NEUROD4: variants seen among roughly 807,000 people sequenced by gnomAD.
NEUROD4 encodes the protein neuronal differentiation 4, also known as neurogenic differentiation factor 4.
Under a neutral mutation model 19.8 loss-of-function variants are expected in NEUROD4, and 16 were observed. The ratio of observed to expected loss-of-function variants is 0.81; its 90% CI spans 0.55 to 1.23. The LOEUF (loss-of-function observed/expected upper bound fraction) is 1.23. Among genes scored for constraint, NEUROD4 ranks in the 50% most tolerant of loss-of-function variants. The pLI, the probability that NEUROD4 is intolerant of heterozygous loss-of-function variation, is 0.00. For missense variants in NEUROD4, 439 were observed against 398.6 expected, an observed-to-expected ratio of 1.10 and a Z score of -0.86; for synonymous variants, 153 against 147.9, an observed-to-expected ratio of 1.03 and a Z score of -0.25.
Position 55,029,735 on chromosome 12 carries a change from A to C in NEUROD4, c.*2300A>C, listed in dbSNP as rs1952771668. ...TTTTTAGAGTCTTTTCTTCAGTCTA[A>C]AATGAGCCAGAGTTATTCTTTAATA... On this transcript the variant is annotated 3_prime_UTR_variant, in exon 2 of 2. Coordinates refer to ENST00000242994, the MANE Select transcript of NEUROD4 (RefSeq NM_021191.3). 6.0e-6 allele frequency: 1 copy of C among 167,042 alleles called. No individual in the cohort carries two copies. The highest frequency in any genetic ancestry group is 1.5e-5 in the Non-Finnish European group (1 of 68,092). 10.3% of individuals were successfully genotyped at this position (167,042 alleles called of 1,614,324 possible).
chr12:55,029,213 C>T lies in NEUROD4; in HGVS notation c.*1778C>T, dbSNP rs1239025180. 6.0e-6 allele frequency: 1 copy of T among 166,744 alleles called. No homozygotes were observed. Among genetic ancestry groups the T allele is most frequent in the African/African-American group, 2.4e-5 (1 of 41,416 alleles). 10.3% of individuals were successfully genotyped at this position (166,744 alleles called of 1,614,324 possible). ...TTTCCATTTTGCTCTCAGCACTTAC[C>T]CTGCTGTATTTTGCACCCTTGGTTT... On this transcript the variant is annotated 3_prime_UTR_variant, in exon 2 of 2. Transcript: ENST00000242994.
Position 55,026,544 on chromosome 12 carries a change from G to A in NEUROD4, c.105G>A (p.Glu35=), listed in dbSNP as rs139984818. The A allele has an allele frequency of 6.2e-7, 1 of 1,613,956 alleles. No homozygotes were observed. ...CCCAAAATGAGGTGAAGGAGGAAGA[G>A]AGCAGACCAGGTACTTATGGGATGC... ...LGSQNEVKEE[E]SRPGTYGMLS... The change falls in exon 2 of 2, where the codon GAG becomes GAA. Residue 35 remains glutamate (E), a synonymous_variant. Transcript: ENST00000242994.
chr12:55,026,209 AG>A lies in NEUROD4; in HGVS notation c.-9-220del, dbSNP rs376187305. On this transcript the variant is annotated intron_variant, in intron 1 of 1. Coordinates refer to ENST00000242994, the MANE Select transcript of NEUROD4 (RefSeq NM_021191.3). ...AGATAAAAAATCTAAGAATAAAAAC[AG>A]GCACTAACACTGCAATGAATAATCA... 3.7e-3 allele frequency among the ~76,000 whole-genome samples: 564 copies of A among 152,326 alleles called. 4 individuals are homozygous for A. The highest frequency in any genetic ancestry group is 0.013 in the African/African-American group (536 of 41,584).
chr12:55,027,213 C>A lies in NEUROD4; in HGVS notation c.774C>A (p.Ser258Arg). The change falls in exon 2 of 2, where the codon AGC (serine) becomes AGA (arginine). Residue 258 changes from serine (S) to arginine (R), a missense_variant. Coordinates refer to ENST00000242994, the MANE Select transcript of NEUROD4 (RefSeq NM_021191.3). Reference sequence around the variant, plus strand: ...AGGGCCCACTCACTCCACCCCTGAGCATCAGTGGGAACTTCTCCTTGAAGC... The same window carrying A: ...AGGGCCCACTCACTCCACCCCTGAGAATCAGTGGGAACTTCTCCTTGAAGC... ...PYEGPLTPPL[S>R]ISGNFSLKQD... 6 of 1,614,114 alleles carry A rather than the reference C, an allele frequency of 3.7e-6. No individual in the cohort carries two copies. Among genetic ancestry groups the A allele is most frequent in the South Asian group, 1.1e-5 (1 of 91,078 alleles).
In NEUROD4 at chr12:55,026,914, T is replaced by C; in HGVS notation, c.475T>C (p.Cys159Arg). 6.2e-7 allele frequency: 1 copy of C among 1,614,130 alleles called. No individual in the cohort carries two copies. The highest frequency in any genetic ancestry group is 8.5e-7 in the Non-Finnish European group (1 of 1,180,020). The change falls in exon 2 of 2, where the codon TGT becomes CGT. Residue 159 changes from cysteine (C) to arginine (R), a missense_variant. By Grantham distance (180) the Cys-to-Arg change is radical. Coordinates refer to ENST00000242994, the MANE Select transcript of NEUROD4 (RefSeq NM_021191.3). ...AGGGAAAGGCTTTGTGGAGATGCTG[T>C]GTAAAGGGCTCTCTCAGCCCACAAG... ...PEGKGFVEML[C>R]KGLSQPTSNL...
At position 55,027,072 on chromosome 12, in the gene NEUROD4, C is replaced by A. The variant is rs376574495; in HGVS notation, c.633C>A (p.Ser211Arg). Residue 211 changes from serine (S) to arginine (R), a missense_variant, in exon 2 of 2, where the codon AGC becomes AGA. Ser to Arg is a moderately radical substitution (Grantham distance 110, BLOSUM62 -1). Transcript: ENST00000242994. ...NFNYQSPGLP[S>R]PPYGHMETHL... Reference sequence around the variant, plus strand: ...ACTATCAGTCTCCGGGGCTTCCTAGCCCTCCTTATGGTCATATGGAAACAC... The same window carrying A: ...ACTATCAGTCTCCGGGGCTTCCTAGACCTCCTTATGGTCATATGGAAACAC... 2 of 1,614,116 alleles carry A rather than the reference C, an allele frequency of 1.2e-6. No homozygotes were observed. The highest frequency in any genetic ancestry group is 1.7e-6 in the Non-Finnish European group (2 of 1,179,992).
At position 55,026,707 on chromosome 12, in the gene NEUROD4, G is replaced by A. The variant is rs907872640; in HGVS notation, c.268G>A (p.Val90Ile). The change falls in exon 2 of 2, where the codon GTC becomes ATC. Residue 90 changes from valine to isoleucine, a missense_variant. Coordinates refer to ENST00000242994, the MANE Select transcript of NEUROD4 (RefSeq NM_021191.3). ...CCTTGAGAGATTCAGGGCTCGAAGAGTCAAGGCTAATGCCAGAGAACGGAC... is the reference window on the plus strand; with the variant it reads ...CCTTGAGAGATTCAGGGCTCGAAGAATCAAGGCTAATGCCAGAGAACGGAC... ...ARLERFRARRVKANARERTRM... is the reference protein window; with the variant it reads ...ARLERFRARRIKANARERTRM... 8.1e-6 allele frequency: 13 copies of A among 1,614,190 alleles called. No homozygotes were observed. Among genetic ancestry groups the A allele is most frequent in the Admixed American group, 3.3e-5 (2 of 60,020 alleles).
rs1418259885 is a variant in NEUROD4 at position 55,028,056 on chromosome 12, C to T, written c.*621C>T. The T allele has an allele frequency of 1.8e-5, 3 of 167,036 alleles. No individual in the cohort carries two copies. Among genetic ancestry groups the T allele is most frequent in the Non-Finnish European group, 4.4e-5 (3 of 68,120 alleles). The allele number at this position is 167,036 out of a possible 1,614,324, so 10.3% of individuals were successfully genotyped here. On this transcript the variant is annotated 3_prime_UTR_variant, in exon 2 of 2. Transcript: ENST00000242994. ...CTTTGTATCTATTGAAAAATAGCTT[C>T]TGGAAGCTAAAAGTCTAACATGGCT...
chr12:55,023,610 T>G (rs1035799343), intron 1 of NEUROD4, among the ~76,000 whole-genome samples: 1 of 152,186 alleles, frequency 6.6e-6, no homozygotes. Flanking sequence ...TTATTCTAGC[T>G]TCCATTCTTT....
chr12:55,020,291 T>A lies in NEUROD4; in HGVS notation c.-32T>A, dbSNP rs1952666431. On this transcript the variant is annotated 5_prime_UTR_variant, in exon 1 of 2. Coordinates refer to ENST00000242994, the MANE Select transcript of NEUROD4 (RefSeq NM_021191.3). ...TAAGACGCAGATTCACAGAGTTCAC[T>A]CCAGGAACGGCCAGTGACCGAGGTG... The A allele has an allele frequency of 2.0e-5, 3 of 152,260 alleles. No homozygotes were observed. The highest frequency in any genetic ancestry group is 1.3e-4 in the Admixed American group (2 of 15,276). The allele number at this position is 152,260 out of a possible 1,614,324, so 9.4% of individuals were successfully genotyped here. A position where few individuals can be genotyped will look rare whatever the true frequency, so the allele number is the denominator to read the frequency against.
chr12:55,026,678 C>A lies in NEUROD4; in HGVS notation c.239C>A (p.Ala80Asp). The change falls in exon 2 of 2, where the codon GCT becomes GAT. Residue 80 changes from alanine to aspartate, a missense_variant. Physicochemically the swap from Ala to Asp is moderately radical, Grantham distance 126. Coordinates refer to ENST00000242994, the MANE Select transcript of NEUROD4 (RefSeq NM_021191.3). ...RGPKKKKMTKARLERFRARRV... is the reference protein window; with the variant it reads ...RGPKKKKMTKDRLERFRARRV... ...CCCAAGAAAAAGAAGATGACCAAAG[C>A]TCGCCTTGAGAGATTCAGGGCTCGA... 1.2e-6 allele frequency: 2 copies of A among 1,614,138 alleles called. No homozygotes were observed. Among genetic ancestry groups the A allele is most frequent in the Non-Finnish European group, 1.7e-6 (2 of 1,180,018 alleles).
At chr12:55,024,781 C>CAG (rs1952708462) in intron 1 of NEUROD4, among the ~76,000 whole-genome samples, 1 of 152,134 alleles carries the variant, frequency 6.6e-6, no homozygotes, top group African/African-American at 2.4e-5. Context: ...ACCCAGGAAG[C>CAG]CTTATTAAGT....
At chr12:55,023,208 C>A (rs981561121) in intron 1 of NEUROD4, among the ~76,000 whole-genome samples, 1 of 151,958 alleles carries the variant, frequency 6.6e-6, no homozygotes, top group African/African-American at 2.4e-5. Flanking sequence ...GCTATCTATC[C>A]CACCATGGGA....
In NEUROD4 at chr12:55,020,117, T is replaced by G. The variant is rs927281667; in HGVS notation, c.-206T>G. The stretch of plus-strand genomic sequence containing the variant: ...GGCGTCCTTGAGGAGCATACGGAAC[T>G]CCAAGGAAGGAGTAGAATAAGGAGC... On this transcript the variant is annotated 5_prime_UTR_variant, in exon 1 of 2. Coordinates refer to ENST00000242994, the MANE Select transcript of NEUROD4 (RefSeq NM_021191.3). 6 of 152,230 alleles carry G rather than the reference T, an allele frequency of 3.9e-5. No homozygotes were observed. The highest frequency in any genetic ancestry group is 9.7e-5 in the African/African-American group (4 of 41,434). 9.4% of individuals were successfully genotyped at this position (152,230 alleles called of 1,614,324 possible). A position where few individuals can be genotyped will look rare whatever the true frequency, so the allele number is the denominator to read the frequency against.
At position 55,027,536 on chromosome 12, in the gene NEUROD4, A is replaced by T. The variant is rs147482684; in HGVS notation, c.*101A>T. The T allele has an allele frequency of 5.3e-6, 6 of 1,131,494 alleles. No homozygotes were observed. Among genetic ancestry groups the T allele is most frequent in the Admixed American group, 2.3e-5 (1 of 43,132 alleles). The allele number at this position is 1,131,494 out of a possible 1,614,324, so 70.1% of individuals were successfully genotyped here. A position where few individuals can be genotyped will look rare whatever the true frequency, so the allele number is the denominator to read the frequency against. ...ATGACCTTAAAGGATCCCTATGGAT[A>T]TATATCAAACAATAGTTCAAGTCCA... On this transcript the variant is annotated 3_prime_UTR_variant, in exon 2 of 2. Coordinates refer to ENST00000242994, the MANE Select transcript of NEUROD4 (RefSeq NM_021191.3).
In NEUROD4 at chr12:55,027,161, T is replaced by C; in HGVS notation, c.722T>C (p.Leu241Pro). 3.1e-6 allele frequency: 5 copies of C among 1,614,178 alleles called. No homozygotes were observed. The highest frequency in any genetic ancestry group is 4.2e-6 in the Non-Finnish European group (5 of 1,180,022). The change falls in exon 2 of 2, where the codon CTG becomes CCG. Residue 241 changes from leucine (L) to proline (P), a missense_variant. Transcript: ENST00000242994. ...GGAGAATCGTCCTTTGGGAGCCATCTGCCTGACTGCAGTACACCCCCTTAT... is the reference window on the plus strand; with the variant it reads ...GGAGAATCGTCCTTTGGGAGCCATCCGCCTGACTGCAGTACACCCCCTTAT... ...SLGESSFGSHLPDCSTPPYEG... is the reference protein window; with the variant it reads ...SLGESSFGSHPPDCSTPPYEG...
Position 55,026,845 on chromosome 12 carries a change from A to C in NEUROD4, c.406A>C (p.Ile136Leu). The C allele has an allele frequency of 6.2e-7, 1 of 1,614,120 alleles. No homozygotes were observed. Among genetic ancestry groups the C allele is most frequent in the East Asian group, 2.2e-5 (1 of 44,888 alleles). Reference protein sequence around the residue: ...IETLRLARNYIWALSEVLETG... With the variant: ...IETLRLARNYLWALSEVLETG... Reference sequence around the variant, plus strand: ...GACTCTTAGACTGGCCAGGAACTATATTTGGGCTTTATCTGAAGTCCTGGA... The same window carrying C: ...GACTCTTAGACTGGCCAGGAACTATCTTTGGGCTTTATCTGAAGTCCTGGA... Residue 136 changes from isoleucine (I) to leucine (L), a missense_variant, in exon 2 of 2, where the codon ATT becomes CTT. Coordinates refer to ENST00000242994, the MANE Select transcript of NEUROD4 (RefSeq NM_021191.3).
rs1258014000 is a variant in NEUROD4, at chr12:55,028,310, A to T, written c.*875A>T. 3.0e-5 allele frequency: 5 copies of T among 167,114 alleles called. No homozygotes were observed. Among genetic ancestry groups the T allele is most frequent in the Admixed American group, 6.5e-5 (1 of 15,288 alleles). The allele number at this position is 167,114 out of a possible 1,614,324, so 10.4% of individuals were successfully genotyped here. On this transcript the variant is annotated 3_prime_UTR_variant, in exon 2 of 2. Transcript: ENST00000242994. ...GACTCCTATAACTAATGGGACATAG[A>T]GAAGTCTTTTAGACCATGACCTCCA...
In NEUROD4 at chr12:55,028,685, C is replaced by G. The variant is rs149030113; in HGVS notation, c.*1250C>G. On this transcript the variant is annotated 3_prime_UTR_variant, in exon 2 of 2. Transcript: ENST00000242994. ...TACACTAATTGTTACCTCTTCCTCACTTCTAAGATAGAATATGTTATTATA... is the reference window on the plus strand; with the variant it reads ...TACACTAATTGTTACCTCTTCCTCAGTTCTAAGATAGAATATGTTATTATA... The G allele has an allele frequency of 1.4e-4, 24 of 167,186 alleles. 1 individual carries two copies. The East Asian group carries it at 4.6e-3, about 32-fold the overall frequency. 10.4% of individuals were successfully genotyped at this position (167,186 alleles called of 1,614,324 possible).
Sources: allele counts gnomAD v4.1 joint callset (sites outside exome capture counted in the v4.1 genomes callset), GRCh38; gene constraint gnomAD v4.1.1; transcripts MANE v1.5; gene names NCBI Gene and HGNC (gene_info 2026-07-23, HGNC 2026-07-21).